C9orf85: variants seen among roughly 807,000 people sequenced by gnomAD.
The protein encoded by C9orf85 is chromosome 9 open reading frame 85.
A neutral mutation model predicts 14.9 loss-of-function variants in C9orf85; 16 were observed. The ratio of observed to expected loss-of-function variants is 1.08; its 90% confidence interval spans 0.73 to 1.63. The LOEUF is 1.63. C9orf85 is among the 40% of genes most tolerant of loss of function. The pLI is 0.00. For missense variants in C9orf85, 172 were observed against 186.1 expected (o/e 0.92, Z 0.44); for synonymous variants, 45 against 56.8 (o/e 0.79, Z 0.93).
chr9:71,985,176 C>T (rs926851717), downstream of C9orf85: 2 of 152,202 alleles, frequency 1.3e-5, no homozygotes, highest in Non-Finnish European at 2.9e-5. Context: ...ATTTGTTTTA[C>T]ATTTTTATTG....
chr9:71,919,586 T>C (rs901527312), intron 1 of C9orf85, among the ~76,000 whole-genome samples: 3 of 152,194 alleles, frequency 2.0e-5, no homozygotes, highest in African/African-American at 7.2e-5. Flanking sequence ...AAATTTAACA[T>C]ATTTTTTCAA....
intron 3 of C9orf85, among the ~76,000 whole-genome samples, chr9:71,982,256 T>C (rs755635936): frequency 6.6e-6 from 1 of 152,102 alleles, no homozygotes; most frequent in Non-Finnish European, 1.5e-5. Flanking sequence ...CTGAATAGCA[T>C]TCCATTGTAT....
downstream of C9orf85, chr9:71,983,776 G>T (rs1182919050): frequency 6.6e-6 from 1 of 152,180 alleles, no homozygotes; most frequent in African/African-American, 2.4e-5. Context: ...TCTGTATTGG[G>T]TCTATTGTGG....
intron 1 of C9orf85, among the ~76,000 whole-genome samples, chr9:71,913,577 A>G (rs1002607666): frequency 6.6e-6 from 1 of 152,226 alleles, no homozygotes; most frequent in African/African-American, 2.4e-5. Context: ...GACTTTCCCA[A>G]GTTTGCTCCC....
At chr9:71,959,101 AATAAG>A (rs1307245185) in intron 2 of C9orf85, among the ~76,000 whole-genome samples, 1 of 152,174 alleles carries the variant, frequency 6.6e-6, no homozygotes, top group South Asian at 2.1e-4. Flanking sequence ...AGAGTGGACA[AATAAG>A]ATATTTATTT....
chr9:71,981,789 T>C (rs1193216641), intron 3 of C9orf85, among the ~76,000 whole-genome samples: 2 of 152,192 alleles, frequency 1.3e-5, no homozygotes, highest in Non-Finnish European at 1.5e-5. Context: ...CTGGAAATGG[T>C]TGGGAATTAC....
At chr9:71,922,767 T>A (rs1827844993) in intron 1 of C9orf85, among the ~76,000 whole-genome samples, 1 of 152,214 alleles carries the variant, frequency 6.6e-6, no homozygotes, top group Admixed American at 6.5e-5. Flanking sequence ...CATTGCCACC[T>A]CAGAAGTCTA....
At chr9:71,977,872 C>A (rs1442451270), downstream of C9orf85, among the ~76,000 whole-genome samples, 1 of 152,130 alleles carries the variant, frequency 6.6e-6, no homozygotes, top group Admixed American at 6.6e-5. Flanking sequence ...CATCTCTATG[C>A]TAGTGAGTCC....
chr9:71,940,398 C>A (rs1036926912), intron 1 of C9orf85, among the ~76,000 whole-genome samples: 2 of 152,010 alleles, frequency 1.3e-5, no homozygotes, highest in African/African-American at 4.8e-5. Flanking sequence ...CATGCCACTG[C>A]GCTCAAGCCT....
chr9:71,931,378 G>A (rs1203148478), intron 1 of C9orf85, among the ~76,000 whole-genome samples: 1 of 151,484 alleles, frequency 6.6e-6, no homozygotes, highest in Non-Finnish European at 1.5e-5. Context: ...TGTTTAGTCT[G>A]TAACTAAACA....
intron 1 of C9orf85, among the ~76,000 whole-genome samples, chr9:71,924,352 G>T (rs1031938484): frequency 1.1e-5 from 1 of 92,366 alleles, no homozygotes; most frequent in African/African-American, 3.8e-5. Context: ...AGAAGAGTTG[G>T]AGCTACATTC....
At chr9:71,937,228 C>G (rs1466533204) in intron 1 of C9orf85, among the ~76,000 whole-genome samples, 2 of 152,100 alleles carry the variant, frequency 1.3e-5, no homozygotes, top group Admixed American at 6.6e-5. Flanking sequence ...TTCTCAACTG[C>G]CAGAAAAAGG....
chr9:71,967,713 CTTT>C (rs55750667), intron 2 of C9orf85, among the ~76,000 whole-genome samples: 52 of 94,082 alleles, frequency 5.5e-4, no homozygotes, highest in African/African-American at 2.3e-3. Flanking sequence ...TATGACCTTT[CTTT>C]TTTTTTTTTT....
intron 2 of C9orf85, among the ~76,000 whole-genome samples, chr9:71,950,896 A>T (rs1822226744): frequency 6.6e-6 from 1 of 152,222 alleles, no homozygotes; most frequent in Non-Finnish European, 1.5e-5. Context: ...TGGGAAAATT[A>T]AAACTTTTTC....
At chr9:71,925,946 G>T (rs1827921480) in intron 1 of C9orf85, among the ~76,000 whole-genome samples, 1 of 152,132 alleles carries the variant, frequency 6.6e-6, no homozygotes, top group Non-Finnish European at 1.5e-5. Flanking sequence ...CAAGATAGAA[G>T]AACAACTTTC....
chr9:71,929,854 A>G (rs1589250392), intron 1 of C9orf85, among the ~76,000 whole-genome samples: 1 of 149,836 alleles, frequency 6.7e-6, no homozygotes, highest in Non-Finnish European at 1.5e-5. Flanking sequence ...ACTTAATAGC[A>G]TGCCTTAAAC....
chr9:71,949,560 C>T (rs570738389), intron 2 of C9orf85, among the ~76,000 whole-genome samples: 14 of 152,166 alleles, frequency 9.2e-5, no homozygotes, highest in African/African-American at 3.4e-4. Context: ...TAAGTTCTCA[C>T]CCTTGGCTCT....
chr9:71,912,281 T>C (rs1429647555), intron 1 of C9orf85, among the ~76,000 whole-genome samples: 1 of 152,240 alleles, frequency 6.6e-6, no homozygotes, highest in Non-Finnish European at 1.5e-5. Flanking sequence ...TAGGCTGTCC[T>C]CACTAGTATT....
chr9:71,935,612 C>T (rs1007315180), intron 1 of C9orf85, among the ~76,000 whole-genome samples: 9 of 148,786 alleles, frequency 6.0e-5, no homozygotes, highest in Admixed American at 2.0e-4. Context: ...GGCAACACAG[C>T]GAGACCCTGC....
Sources: allele counts gnomAD v4.1 joint callset (sites outside exome capture counted in the v4.1 genomes callset), GRCh38; gene constraint gnomAD v4.1.1; transcripts MANE v1.5; gene names NCBI Gene and HGNC (gene_info 2026-07-23, HGNC 2026-07-21).